MED25: variants seen among roughly 807,000 people sequenced by gnomAD.
MED25 encodes mediator of RNA polymerase II transcription subunit 25.
In MED25, 62 loss-of-function variants were observed where a neutral mutation model predicts 89.4. That is an observed-to-expected ratio of 0.69 (90% CI 0.57 to 0.86). The LOEUF (loss-of-function observed/expected upper bound fraction) is 0.86. Among genes scored for constraint, MED25 ranks in the 40% least tolerant of loss-of-function variants. The pLI, the probability that MED25 is intolerant of heterozygous loss-of-function variation, is 0.00. For missense variants in MED25, 905 were observed against 1,005.2 expected, an observed-to-expected ratio of 0.90 and a Z score of 1.35; for synonymous variants, 449 against 427.9, an observed-to-expected ratio of 1.05 and a Z score of -0.61.
Position 49,835,451 on chromosome 19 carries a change from C to A in MED25, c.1675-83C>A. 1 of 1,337,512 alleles carries A rather than the reference C, an allele frequency of 7.5e-7. No individual in the cohort carries two copies. The highest frequency in any genetic ancestry group is 1.0e-6 in the Non-Finnish European group (1 of 982,360). 82.9% of individuals were successfully genotyped at this position (1,337,512 alleles called of 1,614,324 possible). A position where few individuals can be genotyped will look rare whatever the true frequency, so the allele number is the denominator to read the frequency against. On this transcript the variant is annotated intron_variant, in intron 14 of 17. Transcript: ENST00000312865. The surrounding 1 kb of genome is among the most constrained non-coding windows in gnomAD (Gnocchi z 6.2). ...GAATGTCCCCATCTCCTTACTAGTT[C>A]CCCTCAGGGCACAGGCCCTCCCGCC...
chr19:49,825,152 G>A (rs2074007836), intron 3 of MED25, among the ~76,000 whole-genome samples: 1 of 152,132 alleles, frequency 6.6e-6, no homozygotes, highest in Non-Finnish European at 1.5e-5. Flanking sequence ...CTTTGAGCTT[G>A]TAGCACATGA....
rs748187947 is a variant in MED25, at chr19:49,835,764, C to T, written c.1784C>T (p.Thr595Ile). 3.4e-5 allele frequency: 55 copies of T among 1,609,726 alleles called. No homozygotes were observed. Among genetic ancestry groups the T allele is most frequent in the Non-Finnish European group, 4.6e-5 (54 of 1,178,000 alleles). ...LRPPQPQPQG[T>I]VGASGATGQP... ...CCACCGCAGCCCCAGCCTCAGGGTA[C>T]CGTAGGGGCCTCTGGGGCCACGGGG... The change falls in exon 16 of 18, where the codon ACC becomes ATC. Residue 595 changes from threonine to isoleucine, a missense_variant. Thr to Ile is a moderately conservative substitution (Grantham distance 89, BLOSUM62 -1). This residue lies in a region of MED25 where 271 missense variants were observed against 258.1 expected (regional missense o/e 1.05). Transcript: ENST00000312865. The surrounding 1 kb of genome is among the most constrained non-coding windows in gnomAD (Gnocchi z 6.2).
chr19:49,837,426 G>A (rs994668671), downstream of MED25, among the ~76,000 whole-genome samples: 2 of 152,196 alleles, frequency 1.3e-5, no homozygotes, highest in Non-Finnish European at 2.9e-5. Flanking sequence ...CTAGAGAGAT[G>A]GGCAGGTGCA....
At chr19:49,819,458 G>A in intron 3 of MED25, 162 bp downstream of exon 3, 2 of 759,884 alleles carry the variant, frequency 2.6e-6, no homozygotes, top group Non-Finnish European at 4.4e-6. Flanking sequence ...ATGGCTTGGG[G>A]TGGTTGGGGT....
At position 49,835,765 on chromosome 19, in the gene MED25, C is replaced by T. The variant is rs530025381; in HGVS notation, c.1785C>T (p.Thr595=). 40 of 1,609,714 alleles carry T rather than the reference C, an allele frequency of 2.5e-5. No individual in the cohort carries two copies. In the East Asian group the frequency reaches 7.1e-4, roughly 29 times the overall value. Reference sequence around the variant, plus strand: ...CACCGCAGCCCCAGCCTCAGGGTACCGTAGGGGCCTCTGGGGCCACGGGGC... The same window carrying T: ...CACCGCAGCCCCAGCCTCAGGGTACTGTAGGGGCCTCTGGGGCCACGGGGC... ...LRPPQPQPQG[T]VGASGATGQP... The change falls in exon 16 of 18, where the codon ACC becomes ACT. Residue 595 remains threonine, a synonymous_variant. Coordinates refer to ENST00000312865, the MANE Select transcript of MED25 (RefSeq NM_030973.4). This position sits in a 1 kb window ranked among gnomAD's most constrained non-coding sequence, Gnocchi z 6.2.
chr19:49,818,949 T>G lies in MED25; in HGVS notation c.181-223T>G, dbSNP rs1227721458. ...GGATTCCTGGGTCTGAGGGAGGAGG[T>G]GCTGGGGCCTGGGCTCCTGGGTCTG... On this transcript the variant is annotated intron_variant, in intron 2 of 17. Coordinates refer to ENST00000312865, the MANE Select transcript of MED25 (RefSeq NM_030973.4). The G allele has an allele frequency of 3.0e-5, 15 of 497,658 alleles. No homozygotes were observed. In the East Asian group the frequency reaches 3.2e-4, roughly 11 times the overall value. 30.8% of individuals were successfully genotyped at this position (497,658 alleles called of 1,614,324 possible).
chr19:49,840,175 C>T (rs765651755), downstream of MED25: 4 of 152,048 alleles, frequency 2.6e-5, no homozygotes, highest in African/African-American at 9.7e-5. Flanking sequence ...ACTGACATCT[C>T]GGTGTGGAAG....
At chr19:49,838,580 C>T (rs538766809), downstream of MED25, 19 of 457,356 alleles carry the variant, frequency 4.2e-5, no homozygotes, top group South Asian at 1.4e-4. Context: ...CTATCACAAG[C>T]GGCAAAACGA....
Position 49,835,657 on chromosome 19 carries a change from G to T in MED25, c.1746+52G>T. ...GCTGGGTTGGGGAGGCCCCAAGGCT[G>T]CGCTCTGTGCCTGCAGAAGGGGCGT... is the stretch of plus-strand genomic sequence containing the variant. On this transcript the variant is annotated intron_variant, in intron 15 of 17. Coordinates refer to ENST00000312865, the MANE Select transcript of MED25 (RefSeq NM_030973.4). This position sits in a 1 kb window ranked among gnomAD's most constrained non-coding sequence, Gnocchi z 6.2. The T allele has an allele frequency of 6.4e-7, 1 of 1,566,782 alleles. No homozygotes were observed. Among genetic ancestry groups the T allele is most frequent in the Middle Eastern group, 1.7e-4 (1 of 5,966 alleles).
At chr19:49,825,785 C>T (rs566979977) in intron 3 of MED25, among the ~76,000 whole-genome samples, 9 of 151,434 alleles carry the variant, frequency 5.9e-5, no homozygotes, top group East Asian at 4.0e-4. Context: ...GAGCTGAGAT[C>T]GTGCCATTGC....
intron 3 of MED25, among the ~76,000 whole-genome samples, chr19:49,821,966 A>T (rs983885370): frequency 6.7e-6 from 1 of 150,076 alleles, no homozygotes; most frequent in Admixed American, 6.6e-5. Context: ...CCGTCTCTAC[A>T]AAAAATACAA....
At position 49,818,563 on chromosome 19, in the gene MED25, C is replaced by T. The variant is rs754304589; in HGVS notation, c.135-8C>T. 1.2e-6 allele frequency: 2 copies of T among 1,614,200 alleles called. No individual in the cohort carries two copies. The highest frequency in any genetic ancestry group is 1.7e-6 in the Non-Finnish European group (2 of 1,180,036). ...CTGACTCCGACCTTTCACTTCCTAC[C>T]CTCACAGGTATTTTAATGGTGGTCC... is the stretch of plus-strand genomic sequence containing the variant. On this transcript the variant is annotated splice_polypyrimidine_tract_variant and splice_region_variant and intron_variant, in intron 1 of 17. Transcript: ENST00000312865.
At chr19:49,826,411 C>T (rs1205970267) in intron 3 of MED25, among the ~76,000 whole-genome samples, 2 of 152,156 alleles carry the variant, frequency 1.3e-5, no homozygotes, top group African/African-American at 2.4e-5. Flanking sequence ...GAGCAGCGCC[C>T]GAGTGCCCTG....
In MED25 at chr19:49,836,087, G is replaced by A. The variant is rs992153418; in HGVS notation, c.1966-139G>A. On this transcript the variant is annotated intron_variant, in intron 16 of 17. Coordinates refer to ENST00000312865, the MANE Select transcript of MED25 (RefSeq NM_030973.4). This position sits in a 1 kb window ranked among gnomAD's most constrained non-coding sequence, Gnocchi z 5.1. ...CAGGGCTTTAGGCAGAAGGCAGACCGCCTCCTCTCCGTCCATCCCCCACCT... is the reference window on the plus strand; with the variant it reads ...CAGGGCTTTAGGCAGAAGGCAGACCACCTCCTCTCCGTCCATCCCCCACCT... 47 of 1,517,212 alleles carry A rather than the reference G, an allele frequency of 3.1e-5. No homozygotes were observed. Among genetic ancestry groups the A allele is most frequent in the East Asian group, 1.7e-4 (7 of 41,034 alleles). 94.0% of individuals were successfully genotyped at this position (1,517,212 alleles called of 1,614,324 possible). A position where few individuals can be genotyped will look rare whatever the true frequency, so the allele number is the denominator to read the frequency against.
At chr19:49,819,119 G>T in intron 2 of MED25, 53 bp from the exon 3 acceptor site, 1 of 1,609,872 alleles carries the variant, frequency 6.2e-7, no homozygotes, top group South Asian at 1.1e-5. Context: ...CCTTCTCTAA[G>T]GGAAAAGGGA....
At chr19:49,827,178 G>A (rs1444462135) in intron 3 of MED25, among the ~76,000 whole-genome samples, 3 of 152,204 alleles carry the variant, frequency 2.0e-5, no homozygotes, top group African/African-American at 7.2e-5. Context: ...GCAAAGGTCA[G>A]CCTCTCACGA....
downstream of MED25, chr19:49,840,253 AATT>A (rs1165357756): frequency 6.6e-6 from 1 of 152,172 alleles, no homozygotes; most frequent in African/African-American, 2.4e-5. Context: ...AAATTTTAAT[AATT>A]AAATATTTCT....
chr19:49,824,881 T>C (rs1163029629), intron 3 of MED25, among the ~76,000 whole-genome samples: 1 of 152,096 alleles, frequency 6.6e-6, no homozygotes, highest in Admixed American at 6.5e-5. Context: ...TGTTAGCCGA[T>C]GAAAGCGGGC....
At chr19:49,822,228 A>G (rs1253930958) in intron 3 of MED25, among the ~76,000 whole-genome samples, 7 of 143,110 alleles carry the variant, frequency 4.9e-5, no homozygotes, top group Non-Finnish European at 1.0e-4. Flanking sequence ...GCACCACTGC[A>G]CTCCAGCCTG....
Sources: gnomAD v4.1 joint callset for allele counts (sites outside exome capture counted in the v4.1 genomes callset) on GRCh38, gnomAD v4.1.1 for gene constraint, gnomAD v4.1.1 regional missense constraint, Gnocchi (gnomAD v3.1) non-coding constraint, MANE v1.5 for transcripts, NCBI Gene and HGNC (gene_info 2026-07-23, HGNC 2026-07-21) for gene names.